Variants in PHAF1 observed in about 807,000 individuals in gnomAD.
PHAF1 encodes the protein phagophore assembly factor 1.
A neutral mutation model predicts 63.1 loss-of-function variants in PHAF1; 23 were observed. The ratio of observed to expected loss-of-function variants is 0.36; its 90% CI spans 0.26 to 0.52. The LOEUF (loss-of-function observed/expected upper bound fraction) is 0.52. Ranked by LOEUF, PHAF1 falls within the 20% of genes least tolerant of loss-of-function variation. PHAF1 has a pLI of 0.93. For synonymous variants in PHAF1, 167 were observed against 185.0 expected, an observed-to-expected ratio of 0.90 and a Z score of 0.79; for missense variants, 427 against 517.2, an observed-to-expected ratio of 0.83 and a Z score of 1.69.
At chr16:67,126,226 A>T (rs1250492125) in intron 3 of PHAF1, among the ~76,000 whole-genome samples, 184 bp downstream of exon 3, 1 of 152,156 alleles carries the variant, frequency 6.6e-6, no homozygotes, top group East Asian at 1.9e-4. Flanking sequence ...GGAAGATGGA[A>T]GTGGGTTGGG....
At chr16:67,132,365 TA>T in intron 4 of PHAF1, 80 bp from the exon 5 acceptor site, 2 of 1,250,810 alleles carry the variant, frequency 1.6e-6, no homozygotes, top group Non-Finnish European at 2.2e-6. Flanking sequence ...GTCTTAAAAA[TA>T]ACTCTCCCAG....
intron 1 of PHAF1, among the ~76,000 whole-genome samples, chr16:67,118,038 TC>T (rs1197180630): frequency 4.8e-5 from 7 of 144,758 alleles, no homozygotes; most frequent in African/African-American, 1.8e-4. Context: ...CCCTGCAAGC[TC>T]CACCTCCCAG....
rs190377687 is a variant in PHAF1 at position 67,143,413 on chromosome 16, C to T, written c.880-881C>T. Among the ~76,000 whole-genome samples the T allele has an allele frequency of 6.8e-4, 104 of 152,216 alleles. 2 individuals carry two copies. The highest frequency in any genetic ancestry group is 6.8e-3 in the Middle Eastern group (2 of 292). On this transcript the variant is annotated intron_variant, in intron 10 of 15. Coordinates refer to ENST00000219139, the MANE Select transcript of PHAF1 (RefSeq NM_025187.5). ...ATTAGCCGGGCGTGGTGGTGTGCACCTGTATTCTCAACTCAAGGAATCCTC... is the reference window on the plus strand; with the variant it reads ...ATTAGCCGGGCGTGGTGGTGTGCACTTGTATTCTCAACTCAAGGAATCCTC...
chr16:67,145,257 T>C, intron 12 of PHAF1, 119 bp from the exon 13 acceptor site: 1 of 1,147,178 alleles, frequency 8.7e-7, no homozygotes, highest in Non-Finnish European at 1.3e-6. Flanking sequence ...AGCCTGTTAA[T>C]CCTCCCCATG....
At chr16:67,142,304 T>C (rs1261881710) in intron 10 of PHAF1, among the ~76,000 whole-genome samples, 1 of 152,202 alleles carries the variant, frequency 6.6e-6, no homozygotes, top group Non-Finnish European at 1.5e-5. Context: ...AAGTGCATGC[T>C]GATTGGTCCA....
intron 10 of PHAF1, among the ~76,000 whole-genome samples, chr16:67,143,246 C>G (rs1224329897): frequency 2.0e-5 from 3 of 152,194 alleles, no homozygotes; most frequent in Admixed American, 2.0e-4. Flanking sequence ...CCTCAAGAAC[C>G]AGGTGACTTG....
intron 2 of PHAF1, among the ~76,000 whole-genome samples, chr16:67,123,943 TG>T (rs925109333): frequency 6.6e-6 from 1 of 152,202 alleles, no homozygotes; most frequent in Non-Finnish European, 1.5e-5. Flanking sequence ...AACTGCTTCA[TG>T]TGAAGGACAG....
At chr16:67,145,249 C>A in intron 12 of PHAF1, 127 bp from the exon 13 acceptor site, 1 of 1,055,546 alleles carries the variant, frequency 9.5e-7, no homozygotes, top group Non-Finnish European at 1.4e-6. Context: ...TCCAAAACAG[C>A]CTGTTAATCC....
rs1333753822 is a variant in PHAF1 at position 67,148,131 on chromosome 16, G to A, written c.*1000G>A. On this transcript the variant is annotated 3_prime_UTR_variant, in exon 16 of 16. Transcript: ENST00000219139. ...ATTTTATCCCATTTTTAATATTTTG[G>A]TCTAGCAACTTGTGATACATAGATG... The A allele has an allele frequency of 1.3e-5, 2 of 152,676 alleles. No homozygotes were observed. Among genetic ancestry groups the A allele is most frequent in the African/African-American group, 4.8e-5 (2 of 41,458 alleles). The allele number at this position is 152,676 out of a possible 1,614,324, so 9.5% of individuals were successfully genotyped here. A position where few individuals can be genotyped will look rare whatever the true frequency, so the allele number is the denominator to read the frequency against.
Position 67,147,160 on chromosome 16 carries a change from C to A in PHAF1, c.*29C>A. 1 of 1,573,830 alleles carries A rather than the reference C, an allele frequency of 6.4e-7. No individual in the cohort carries two copies. The highest frequency in any genetic ancestry group is 8.7e-7 in the Non-Finnish European group (1 of 1,143,656). ...CACCACCACCCATGCCCCTCTGTCC[C>A]GTGGAACTGTGCATCACATCCTGCT... On this transcript the variant is annotated 3_prime_UTR_variant, in exon 16 of 16. Coordinates refer to ENST00000219139, the MANE Select transcript of PHAF1 (RefSeq NM_025187.5).
chr16:67,146,248 C>A, intron 14 of PHAF1, 30 bp from the exon 15 acceptor site: 1 of 1,598,714 alleles, frequency 6.3e-7, no homozygotes, highest in South Asian at 1.1e-5. Context: ...CCTCTGTCTG[C>A]CTCTCTAATT....
In PHAF1 at chr16:67,144,363, T is replaced by G. The variant is rs1478159108; in HGVS notation, c.949T>G (p.Tyr317Asp). 6.8e-6 allele frequency: 11 copies of G among 1,607,312 alleles called. No individual in the cohort carries two copies. The highest frequency in any genetic ancestry group is 1.3e-5 in the African/African-American group (1 of 74,780). The change falls in exon 11 of 16, where the codon TAT becomes GAT. Residue 317 changes from tyrosine (Y) to aspartate (D), a missense_variant. Transcript: ENST00000219139. ...FVLHTNYPGHYNFNIYHRCEF... is the reference protein window; with the variant it reads ...FVLHTNYPGHDNFNIYHRCEF... ...TCTACACACCAATTACCCTGGGCAT[T>G]ATAATTTCAACATGTGAGTACACCT...
intron 3 of PHAF1, among the ~76,000 whole-genome samples, chr16:67,129,599 C>G (rs1963313235): frequency 6.6e-6 from 1 of 152,234 alleles, no homozygotes; most frequent in Non-Finnish European, 1.5e-5. Flanking sequence ...CACAATCAGG[C>G]TCAGATTGGC....
chr16:67,113,701 G>A (rs1452528516), intron 1 of PHAF1, among the ~76,000 whole-genome samples: 4 of 150,660 alleles, frequency 2.7e-5, no homozygotes, highest in African/African-American at 9.8e-5. Context: ...CGCCCACCTC[G>A]GCCTCCCAAA....
intron 10 of PHAF1, among the ~76,000 whole-genome samples, chr16:67,143,969 G>T (rs1963901331): frequency 6.6e-6 from 1 of 152,098 alleles, no homozygotes. Flanking sequence ...AGGCGTGGTG[G>T]TGGGCGCCTG....
At chr16:67,120,041 G>A (rs2145831619) in intron 1 of PHAF1, 71 bp from the exon 2 acceptor site, 2 of 1,311,110 alleles carry the variant, frequency 1.5e-6, no homozygotes, top group South Asian at 1.2e-5. Context: ...AGGGACCAGT[G>A]CCTAGTGAAG....
chr16:67,123,342 C>T (rs984624484), intron 2 of PHAF1, among the ~76,000 whole-genome samples: 4 of 151,852 alleles, frequency 2.6e-5, no homozygotes, highest in Admixed American at 1.3e-4. Flanking sequence ...TTTAGGAGGC[C>T]GAGACGGGCA....
chr16:67,134,341 G>T lies in PHAF1; in HGVS notation c.549-14G>T. On this transcript the variant is annotated splice_polypyrimidine_tract_variant and intron_variant, in intron 7 of 15. Transcript: ENST00000219139. ...AAAGAACCAAGCCTCTGCTCATTCT[G>T]TGTCTGTCCCCAGGGCTCCCATGAT... 1 of 1,610,054 alleles carries T rather than the reference G, an allele frequency of 6.2e-7. No individual in the cohort carries two copies. Among genetic ancestry groups the T allele is most frequent in the Non-Finnish European group, 8.5e-7 (1 of 1,176,242 alleles).
At chr16:67,136,269 A>T (rs1203049045) in intron 8 of PHAF1, 3 of 152,054 alleles carry the variant, frequency 2.0e-5, no homozygotes, top group Non-Finnish European at 4.4e-5. Flanking sequence ...GCGCCATTGC[A>T]CTGGAGCCTG....
Sources: allele counts gnomAD v4.1 joint callset (sites outside exome capture counted in the v4.1 genomes callset), GRCh38; gene constraint gnomAD v4.1.1; transcripts MANE v1.5; gene names NCBI Gene and HGNC (gene_info 2026-07-23, HGNC 2026-07-21).